The following CDH18 variants were observed in gnomAD, a reference collection of about 807,000 sequenced individuals.
CDH18 encodes cadherin 18.
Under a neutral mutation model 67.9 loss-of-function variants are expected in CDH18, and 31 were observed. The ratio of observed to expected loss-of-function variants is 0.46; its 90% confidence interval spans 0.34 to 0.62. CDH18 has a LOEUF of 0.62. Ranked by LOEUF, CDH18 falls within the 20% of genes least tolerant of loss-of-function variation. The pLI, the probability that CDH18 is intolerant of heterozygous loss-of-function variation, is 0.01. For missense variants in CDH18, 890 were observed against 975.5 expected (o/e 0.91, Z 1.17); for synonymous variants, 362 against 347.2 (o/e 1.04, Z -0.48).
At chr5:20,219,849 G>A (rs1360112965) in intron 2 of CDH18, among the ~76,000 whole-genome samples, 2 of 151,754 alleles carry the variant, frequency 1.3e-5, no homozygotes, top group Admixed American at 6.6e-5. Context: ...AGTCACATAT[G>A]AGACACTCTC....
intron 2 of CDH18, among the ~76,000 whole-genome samples, chr5:19,871,087 G>A (rs1304400678): frequency 6.6e-6 from 1 of 152,104 alleles, no homozygotes; most frequent in Non-Finnish European, 1.5e-5. Flanking sequence ...CAGATGTGCA[G>A]AGGTCATATA....
At chr5:20,274,492 T>C (rs1226838199) in intron 1 of CDH18, among the ~76,000 whole-genome samples, 2 of 152,134 alleles carry the variant, frequency 1.3e-5, no homozygotes, top group Admixed American at 6.6e-5. Context: ...GGAATACATA[T>C]ACATTTTCTG....
chr5:20,256,980 A>C (rs1258954493), intron 1 of CDH18, among the ~76,000 whole-genome samples: 1 of 134,816 alleles, frequency 7.4e-6, no homozygotes, highest in African/African-American at 2.8e-5. Flanking sequence ...CTATATCTAT[A>C]TCTATATCTA....
intron 3 of CDH18, among the ~76,000 whole-genome samples, chr5:19,809,940 T>C (rs193194325): frequency 2.0e-4 from 31 of 152,210 alleles, no homozygotes; most frequent in Admixed American, 8.5e-4. Flanking sequence ...AAAGGAAATA[T>C]GAGAATGGGA....
chr5:20,166,140 A>C (rs1283116234), intron 2 of CDH18, among the ~76,000 whole-genome samples: 1 of 151,956 alleles, frequency 6.6e-6, no homozygotes. Context: ...CAAACAAACA[A>C]ATAGAAAATA....
At chr5:19,483,093 A>T (rs997758986) in intron 12 of CDH18, among the ~76,000 whole-genome samples, 1 of 152,182 alleles carries the variant, frequency 6.6e-6, no homozygotes, top group African/African-American at 2.4e-5. Flanking sequence ...TTCCGATTTT[A>T]TCCTTCTTCT....
intron 1 of CDH18, among the ~76,000 whole-genome samples, chr5:20,354,937 G>A (rs967296820): frequency 1.3e-5 from 2 of 152,030 alleles, no homozygotes; most frequent in African/African-American, 4.8e-5. Flanking sequence ...TCCAATAATT[G>A]CTCCAAGACA....
At chr5:19,558,754 T>C (rs1255930231) in intron 8 of CDH18, among the ~76,000 whole-genome samples, 2 of 151,948 alleles carry the variant, frequency 1.3e-5, no homozygotes, top group Non-Finnish European at 2.9e-5. Flanking sequence ...ATTGACACTA[T>C]TCCACAAGAC....
intron 2 of CDH18, among the ~76,000 whole-genome samples, chr5:19,873,416 G>A (rs1280278737): frequency 6.6e-6 from 1 of 152,066 alleles, no homozygotes; most frequent in Non-Finnish European, 1.5e-5. Context: ...TTCTGGTTGT[G>A]TTAACCATAC....
At chr5:19,611,142 G>C (rs761203221) in intron 6 of CDH18, among the ~76,000 whole-genome samples, 3 of 152,120 alleles carry the variant, frequency 2.0e-5, no homozygotes, top group Non-Finnish European at 4.4e-5. Flanking sequence ...CGTCTTCCTA[G>C]AGGATCTCAT....
chr5:19,534,740 T>C (rs1337387949), intron 9 of CDH18, among the ~76,000 whole-genome samples: 1 of 152,152 alleles, frequency 6.6e-6, no homozygotes. Flanking sequence ...TATAATGGCT[T>C]TCCATATTTA....
At chr5:20,493,259 G>T (rs1399485853) in intron 1 of CDH18, among the ~76,000 whole-genome samples, 1 of 143,200 alleles carries the variant, frequency 7.0e-6, no homozygotes, top group Non-Finnish European at 1.5e-5. Context: ...TGAGGCAGGA[G>T]AATTGCTTGA....
chr5:20,008,775 G>A (rs543597732), intron 2 of CDH18, among the ~76,000 whole-genome samples: 1 of 152,108 alleles, frequency 6.6e-6, no homozygotes, highest in African/African-American at 2.4e-5. Context: ...CAAACATTTA[G>A]AATTCTAATT....
At chr5:20,063,873 G>A (rs921841608) in intron 2 of CDH18, among the ~76,000 whole-genome samples, 3 of 152,086 alleles carry the variant, frequency 2.0e-5, no homozygotes, top group African/African-American at 4.8e-5. Context: ...CTGGACACTC[G>A]TCTGTCTTCA....
At chr5:19,691,526 TA>T (rs2150424781) in intron 5 of CDH18, among the ~76,000 whole-genome samples, 1 of 151,908 alleles carries the variant, frequency 6.6e-6, no homozygotes, top group African/African-American at 2.4e-5. Flanking sequence ...TAGGCCAGAT[TA>T]AAAAAATTAA....
At chr5:19,483,644 C>T in intron 11 of CDH18, 92 bp from the exon 12 acceptor site, 1 of 1,325,774 alleles carries the variant, frequency 7.5e-7, no homozygotes, top group Non-Finnish European at 1.0e-6. Flanking sequence ...GGATGTGTAT[C>T]TTTCTTGTTT....
chr5:19,556,659 C>T (rs1369711548), intron 8 of CDH18, among the ~76,000 whole-genome samples: 1 of 152,014 alleles, frequency 6.6e-6, no homozygotes, highest in East Asian at 1.9e-4. Context: ...ACAATTGGTG[C>T]TCCCAAGGAA....
At chr5:19,510,331 C>T (rs572467659) in intron 10 of CDH18, among the ~76,000 whole-genome samples, 2 of 152,200 alleles carry the variant, frequency 1.3e-5, no homozygotes, top group Admixed American at 1.3e-4. Context: ...AGAGCACATA[C>T]ACTGGTAATG....
intron 2 of CDH18, among the ~76,000 whole-genome samples, chr5:20,105,249 A>T (rs1746825825): frequency 6.6e-6 from 1 of 152,172 alleles, no homozygotes; most frequent in Admixed American, 6.5e-5. Context: ...GGCCTCCCAA[A>T]GTGCTGGGAT....
Sources: gnomAD v4.1 joint callset for allele counts (sites outside exome capture counted in the v4.1 genomes callset) on GRCh38, gnomAD v4.1.1 for gene constraint, MANE v1.5 for transcripts, NCBI Gene and HGNC (gene_info 2026-07-23, HGNC 2026-07-21) for gene names.